LOC647264: variants seen among roughly 807,000 people sequenced by gnomAD.
chr13:63,832,771 C>T, the LOC647264 span, among the ~76,000 whole-genome samples: 1 of 152,050 alleles, frequency 6.6e-6, no homozygotes, highest in African/African-American at 2.4e-5. Flanking sequence ...CAGCCATACC[C>T]ACAGCCGTAG....
the LOC647264 span, among the ~76,000 whole-genome samples, chr13:63,832,810 A>T: frequency 6.6e-6 from 1 of 151,810 alleles, no homozygotes; most frequent in African/African-American, 2.4e-5. Context: ...CCAGAGCCAG[A>T]GCCATAGCCA....
chr13:63,832,778 G>A, the LOC647264 span, among the ~76,000 whole-genome samples: 10 of 151,748 alleles, frequency 6.6e-5, no homozygotes, highest in Non-Finnish European at 1.0e-4. Flanking sequence ...ACCCACAGCC[G>A]TAGCCAGTTC....
chr13:63,832,809 G>C, the LOC647264 span, among the ~76,000 whole-genome samples: 2 of 150,660 alleles, frequency 1.3e-5, no homozygotes, highest in Admixed American at 6.6e-5. Flanking sequence ...GCCAGAGCCA[G>C]AGCCATAGCC....
the LOC647264 span, among the ~76,000 whole-genome samples, chr13:63,832,854 C>G: frequency 6.9e-6 from 1 of 145,864 alleles, no homozygotes; most frequent in Admixed American, 6.7e-5. Context: ...ACAGCCATAG[C>G]TGGAGCCATA....
At chr13:63,832,683 C>A in the LOC647264 span, among the ~76,000 whole-genome samples, 1 of 150,710 alleles carries the variant, frequency 6.6e-6, no homozygotes, top group Non-Finnish European at 1.5e-5. Context: ...AGAATAGCAT[C>A]TTCTAAAGCA....
At chr13:63,832,826 G>A in the LOC647264 span, among the ~76,000 whole-genome samples, 1 of 148,686 alleles carries the variant, frequency 6.7e-6, no homozygotes, top group African/African-American at 2.6e-5. Context: ...AGCCACAGCT[G>A]TAGCCAGAGC....
chr13:63,832,830 C>T, the LOC647264 span, among the ~76,000 whole-genome samples: 1 of 152,094 alleles, frequency 6.6e-6, no homozygotes, highest in South Asian at 2.1e-4. Context: ...ACAGCTGTAG[C>T]CAGAGCCATA....
At chr13:63,832,824 C>T in the LOC647264 span, among the ~76,000 whole-genome samples, 1 of 151,822 alleles carries the variant, frequency 6.6e-6, no homozygotes, top group Non-Finnish European at 1.5e-5. Context: ...ATAGCCACAG[C>T]TGTAGCCAGA....
the LOC647264 span, among the ~76,000 whole-genome samples, chr13:63,832,830 C>A: frequency 6.6e-6 from 1 of 152,094 alleles, no homozygotes; most frequent in Non-Finnish European, 1.5e-5. Flanking sequence ...ACAGCTGTAG[C>A]CAGAGCCATA....
At chr13:63,832,879 C>T in the LOC647264 span, among the ~76,000 whole-genome samples, 2 of 149,088 alleles carry the variant, frequency 1.3e-5, no homozygotes, top group African/African-American at 5.1e-5. Flanking sequence ...CAGCCATAAC[C>T]AGAGCCATAG....
At chr13:63,832,845 C>T in the LOC647264 span, among the ~76,000 whole-genome samples, 2 of 145,800 alleles carry the variant, frequency 1.4e-5, no homozygotes, top group Admixed American at 1.3e-4. Context: ...GCCATAGCCA[C>T]AGCCATAGCT....
chr13:63,832,994 G>A, the LOC647264 span, among the ~76,000 whole-genome samples: 1 of 152,244 alleles, frequency 6.6e-6, no homozygotes, highest in East Asian at 1.9e-4. Context: ...TGCAACACAT[G>A]TTGTCAAGAG....
the LOC647264 span, among the ~76,000 whole-genome samples, chr13:63,832,881 GAGCCATAGCCAC>G: frequency 1.4e-5 from 2 of 139,122 alleles, no homozygotes; most frequent in South Asian, 2.1e-4. Context: ...GCCATAACCA[GAGCCATAGCCAC>G]AGCCATAGCT....
At chr13:63,833,025 C>T in the LOC647264 span, among the ~76,000 whole-genome samples, 2 of 152,184 alleles carry the variant, frequency 1.3e-5, no homozygotes, top group African/African-American at 4.8e-5. Context: ...AGATGGGTTT[C>T]AAGAAGATGC....
chr13:63,832,929 G>C, the LOC647264 span, among the ~76,000 whole-genome samples: 3 of 37,070 alleles, frequency 8.1e-5, no homozygotes, highest in East Asian at 2.6e-3. Flanking sequence ...GCCATAACCA[G>C]AGCCATAGCC....
chr13:63,832,879 C>G, the LOC647264 span, among the ~76,000 whole-genome samples: 3 of 149,090 alleles, frequency 2.0e-5, no homozygotes, highest in Non-Finnish European at 4.4e-5. Context: ...CAGCCATAAC[C>G]AGAGCCATAG....
At chr13:63,832,802 A>G in the LOC647264 span, among the ~76,000 whole-genome samples, 2 of 151,870 alleles carry the variant, frequency 1.3e-5, no homozygotes, top group African/African-American at 4.9e-5. Context: ...AGCCACAGCC[A>G]GAGCCAGAGC....
At chr13:63,832,934 A>G in the LOC647264 span, among the ~76,000 whole-genome samples, 2 of 152,180 alleles carry the variant, frequency 1.3e-5, no homozygotes, top group African/African-American at 4.8e-5. Context: ...AACCAGAGCC[A>G]TAGCCACAGC....
chr13:63,832,904 G>GGAGCCATAGCCACAGCCATAACCA, the LOC647264 span, among the ~76,000 whole-genome samples: 1 of 22,320 alleles, frequency 4.5e-5, no homozygotes, highest in Non-Finnish European at 1.2e-4. Flanking sequence ...AGCCATAGCT[G>GGAGCCATAGCCACAGCCATAACCA]GAGCCATAGC....
Sources: allele counts gnomAD v4.1 joint callset (sites outside exome capture counted in the v4.1 genomes callset), GRCh38; gene constraint gnomAD v4.1.1; transcripts MANE v1.5.